PIEZO2: variants seen among roughly 807,000 people sequenced by gnomAD.
PIEZO2 encodes piezo-type mechanosensitive ion channel component 2.
A neutral mutation model predicts 337.3 loss-of-function variants in PIEZO2; 172 were observed. The observed-to-expected ratio is 0.51, with a 90% confidence interval of 0.45 to 0.58. PIEZO2 has a LOEUF of 0.58. PIEZO2 is among the 20% of genes least tolerant of loss of function. PIEZO2 has a pLI of 0.00. For synonymous variants in PIEZO2, 1,251 were observed against 1,228.5 expected, an observed-to-expected ratio of 1.02 and a Z score of -0.38; for missense variants, 3,028 against 3,391.3, an observed-to-expected ratio of 0.89 and a Z score of 2.66.
rs1353764025 is a variant in PIEZO2, at chr18:10,759,681, G to A, written c.3655+24C>T. On this transcript the variant is annotated intron_variant, in intron 25 of 55. Coordinates refer to ENST00000674853, the MANE Select transcript of PIEZO2 (RefSeq NM_001378183.1). The surrounding 1 kb of genome is among the most constrained non-coding windows in gnomAD (Gnocchi z 5.5). Reference sequence around the variant, plus strand: ...GTAATGGCTTCTTCTAAAAGTAGACGGCTCAAGGGAAGGGCAGGCTCACCT... The same window carrying A: ...GTAATGGCTTCTTCTAAAAGTAGACAGCTCAAGGGAAGGGCAGGCTCACCT... The A allele has an allele frequency of 1.0e-5, 16 of 1,536,666 alleles. No individual in the cohort carries two copies. The highest frequency in any genetic ancestry group is 1.3e-5 in the Non-Finnish European group (15 of 1,146,546).
In PIEZO2 at chr18:11,148,014, G is replaced by A. The variant is rs1568416839; in HGVS notation, c.64+511C>T. The stretch of plus-strand genomic sequence containing the variant: ...AGAAACGTCAAGGCACTGTCTCCCT[G>A]TACCTCGTCCCTCTTTTTCTTTTTT... On this transcript the variant is annotated intron_variant, in intron 1 of 55. Transcript: ENST00000674853. This position sits in a 1 kb window ranked among gnomAD's most constrained non-coding sequence, Gnocchi z 5.2. Among the ~76,000 whole-genome samples the A allele has an allele frequency of 6.6e-6, 1 of 152,232 alleles. No individual in the cohort carries two copies. Among genetic ancestry groups the A allele is most frequent in the Non-Finnish European group, 1.5e-5 (1 of 68,040 alleles).
chr18:10,691,516 T>A, intron 47 of PIEZO2, 133 bp from the exon 48 acceptor site: 2 of 897,476 alleles, frequency 2.2e-6, no homozygotes, highest in Non-Finnish European at 3.3e-6. Context: ...ATGAACTGTC[T>A]ACACATAGTG....
Position 11,038,115 on chromosome 18 carries a change from T to G in PIEZO2, c.160+28012A>C, listed in dbSNP as rs2036987900. On this transcript the variant is annotated intron_variant, in intron 2 of 55. Transcript: ENST00000674853. The surrounding 1 kb of genome is among the most constrained non-coding windows in gnomAD (Gnocchi z 4.1). Reference sequence around the variant, plus strand: ...CATTGGCTCAAAACATTGTAAAAGATACTCTGCACACTTTAAGAGAACTCT... The same window carrying G: ...CATTGGCTCAAAACATTGTAAAAGAGACTCTGCACACTTTAAGAGAACTCT... Among the ~76,000 whole-genome samples, 1 of 152,198 alleles carries G rather than the reference T, an allele frequency of 6.6e-6. No homozygotes were observed. Among genetic ancestry groups the G allele is most frequent in the Admixed American group, 6.5e-5 (1 of 15,280 alleles).
At position 10,773,968 on chromosome 18, in the gene PIEZO2, G is replaced by A; in HGVS notation, c.2567+38C>T. On this transcript the variant is annotated intron_variant, in intron 19 of 55. Transcript: ENST00000674853. This position sits in a 1 kb window ranked among gnomAD's most constrained non-coding sequence, Gnocchi z 5.3. The stretch of plus-strand genomic sequence containing the variant: ...GTGTAGAAGCATGAAATGGCATCAT[G>A]TAGAGCAAGCATTTCATGGCTTCAC... The A allele has an allele frequency of 2.8e-6, 2 of 702,806 alleles. No individual in the cohort carries two copies. Among genetic ancestry groups the A allele is most frequent in the Non-Finnish European group, 5.2e-6 (2 of 384,938 alleles). 43.5% of individuals were successfully genotyped at this position (702,806 alleles called of 1,614,324 possible).
chr18:11,034,671 G>A (rs868832043), intron 2 of PIEZO2, among the ~76,000 whole-genome samples: 4 of 152,078 alleles, frequency 2.6e-5, no homozygotes, highest in Admixed American at 6.6e-5. Flanking sequence ...AAACAAACAC[G>A]TAGGGTTTTG....
chr18:11,121,780 C>A (rs1372589961), intron 1 of PIEZO2, among the ~76,000 whole-genome samples: 1 of 152,138 alleles, frequency 6.6e-6, no homozygotes, highest in Non-Finnish European at 1.5e-5. Flanking sequence ...CTATTAAATC[C>A]AGCAATGAGA....
chr18:10,950,801 T>A (rs1253430834), intron 3 of PIEZO2, among the ~76,000 whole-genome samples: 1 of 152,194 alleles, frequency 6.6e-6, no homozygotes, highest in Admixed American at 6.5e-5. Context: ...ATCCACTGAG[T>A]TAGCTTCTGT....
rs952168884 is a variant in PIEZO2, at chr18:10,982,282, A to T, written c.161-2622T>A. Among the ~76,000 whole-genome samples, 51 of 152,174 alleles carry T rather than the reference A, an allele frequency of 3.4e-4. No individual in the cohort carries two copies. The highest frequency in any genetic ancestry group is 8.8e-5 in the Non-Finnish European group (6 of 68,038). On this transcript the variant is annotated intron_variant, in intron 2 of 55. Coordinates refer to ENST00000674853, the MANE Select transcript of PIEZO2 (RefSeq NM_001378183.1). The surrounding 1 kb of genome is among the most constrained non-coding windows in gnomAD (Gnocchi z 4.1). ...ATATATCAAAGGGAGTTTATTAAGG[A>T]GTATTGACTCACACAGTCACAAGGT...
chr18:10,831,969 G>A (rs1258562544), intron 7 of PIEZO2, among the ~76,000 whole-genome samples: 4 of 152,062 alleles, frequency 2.6e-5, no homozygotes, highest in African/African-American at 2.4e-5. Flanking sequence ...TTAGCTCAAC[G>A]TTCTTCCCAA....
intron 4 of PIEZO2, among the ~76,000 whole-genome samples, chr18:10,875,878 C>A (rs1335809686): frequency 6.6e-6 from 1 of 152,206 alleles, no homozygotes; most frequent in Non-Finnish European, 1.5e-5. Context: ...TTTGCTAAAG[C>A]AATTACTCCA....
At chr18:11,135,691 G>A (rs1244573381) in intron 1 of PIEZO2, among the ~76,000 whole-genome samples, 1 of 152,188 alleles carries the variant, frequency 6.6e-6, no homozygotes, top group Admixed American at 6.5e-5. Flanking sequence ...GGGACTACAT[G>A]TGCGTGCCAT....
At chr18:10,972,147 T>C (rs1478791768) in intron 3 of PIEZO2, among the ~76,000 whole-genome samples, 1 of 127,300 alleles carries the variant, frequency 7.9e-6, no homozygotes, top group Non-Finnish European at 1.6e-5. Flanking sequence ...ACACCCAGCC[T>C]GGGTGACAGA....
At chr18:10,955,925 G>A (rs910699781) in intron 3 of PIEZO2, among the ~76,000 whole-genome samples, 1 of 152,232 alleles carries the variant, frequency 6.6e-6, no homozygotes. Flanking sequence ...AACCATAGTG[G>A]GTGATCAATA....
rs1221816727 is a variant in PIEZO2 at position 10,739,771 on chromosome 18, T to C, written c.4708+1260A>G. The C allele has an allele frequency of 3.3e-5, 5 of 152,364 alleles. No homozygotes were observed. The East Asian group carries it at 9.6e-4, about 29-fold the overall frequency. The allele number at this position is 152,364 out of a possible 1,614,324, so 9.4% of individuals were successfully genotyped here. On this transcript the variant is annotated intron_variant, in intron 33 of 55. Coordinates refer to ENST00000674853, the MANE Select transcript of PIEZO2 (RefSeq NM_001378183.1). ...TAAAACTCTTTCTAATCTTGTGTTT[T>C]TCTTTTTTTGTTGTAATGTTGAAAT...
Position 11,077,343 on chromosome 18 carries a change from G to C in PIEZO2, c.65-11121C>G, listed in dbSNP as rs1451176968. The stretch of plus-strand genomic sequence containing the variant: ...ACTGGAGGACTTGGTAGCTTGCTTT[G>C]GTTTGTGTCATGGTATTTGCTGATT... On this transcript the variant is annotated intron_variant, in intron 1 of 55. Coordinates refer to ENST00000674853, the MANE Select transcript of PIEZO2 (RefSeq NM_001378183.1). This position sits in a 1 kb window ranked among gnomAD's most constrained non-coding sequence, Gnocchi z 4.8. 6.6e-6 allele frequency among the ~76,000 whole-genome samples: 1 copy of C among 152,142 alleles called. No individual in the cohort carries two copies. Among genetic ancestry groups the C allele is most frequent in the Admixed American group, 6.5e-5 (1 of 15,278 alleles).
intron 20 of PIEZO2, among the ~76,000 whole-genome samples, chr18:10,772,806 A>G (rs531510123): frequency 1.3e-5 from 2 of 152,332 alleles, no homozygotes; most frequent in South Asian, 4.1e-4. Context: ...CTATTAAAAC[A>G]TTATTTCAAG....
Position 10,741,051 on chromosome 18 carries a change from G to C in PIEZO2, c.4688C>G (p.Pro1563Arg). 1 of 1,537,134 alleles carries C rather than the reference G, an allele frequency of 6.5e-7. No individual in the cohort carries two copies. The highest frequency in any genetic ancestry group is 8.7e-7 in the Non-Finnish European group (1 of 1,146,862). ...CCTACTGGAAGCATGATCAACCCAAGGCCGCCACCACTGCTTTTTTTTGCC... is the reference window on the plus strand; with the variant it reads ...CCTACTGGAAGCATGATCAACCCAACGCCGCCACCACTGCTTTTTTTTGCC... Reference protein sequence around the residue: ...AKGKKKQWWRPWVDHASMVRS... With the variant: ...AKGKKKQWWRRWVDHASMVRS... Residue 1563 changes from proline to arginine, a missense_variant, in exon 33 of 56, where the codon CCT (proline) becomes CGT (arginine). Pro to Arg is a moderately radical substitution (Grantham distance 103, BLOSUM62 -2). Around this residue, in one of 5 missense-constraint regions of PIEZO2, gnomAD observed 1,925 missense variants for 2,051.9 expected, o/e 0.94. Coordinates refer to ENST00000674853, the MANE Select transcript of PIEZO2 (RefSeq NM_001378183.1).
chr18:10,761,187 G>C (rs2038115144), intron 23 of PIEZO2, 76 bp from the exon 24 acceptor site: 2 of 1,264,590 alleles, frequency 1.6e-6, no homozygotes, highest in Admixed American at 4.0e-5. Flanking sequence ...CCCACATTCT[G>C]CACAGCTACA....
chr18:10,697,640 T>C (rs1184441445), intron 45 of PIEZO2, 108 bp downstream of exon 45: 7 of 1,415,114 alleles, frequency 4.9e-6, no homozygotes, highest in Non-Finnish European at 5.7e-6. Context: ...GCAGATAACA[T>C]TTGTGACACG....
Sources: allele counts gnomAD v4.1 joint callset (sites outside exome capture counted in the v4.1 genomes callset), GRCh38; gene constraint gnomAD v4.1.1; regional missense constraint gnomAD v4.1.1; non-coding constraint Gnocchi (gnomAD v3.1); transcripts MANE v1.5; gene names NCBI Gene and HGNC (gene_info 2026-07-23, HGNC 2026-07-21).